Variants in OSMR observed in about 807,000 individuals in gnomAD.
OSMR encodes the protein oncostatin M receptor.
A neutral mutation model predicts 99.9 loss-of-function variants in OSMR; 81 were observed. The observed-to-expected ratio is 0.81, with a 90% CI of 0.68 to 0.97. OSMR has a LOEUF of 0.97. Ranked by LOEUF, OSMR falls within the 50% of genes least tolerant of loss-of-function variation. The pLI, the probability that OSMR is intolerant of heterozygous loss-of-function variation, is 0.00. For synonymous variants in OSMR, 406 were observed against 410.4 expected, an observed-to-expected ratio of 0.99 and a Z score of 0.13; for missense variants, 1,099 against 1,153.4, an observed-to-expected ratio of 0.95 and a Z score of 0.68.
chr5:38,859,526 G>A (rs1030035455), intron 1 of OSMR, among the ~76,000 whole-genome samples: 2 of 152,110 alleles, frequency 1.3e-5, no homozygotes, highest in African/African-American at 2.4e-5. Flanking sequence ...TTGAAGGCAG[G>A]TGTTGTGAGG....
intron 7 of OSMR, among the ~76,000 whole-genome samples, chr5:38,890,602 C>CT (rs58375870): frequency 0.024 from 3,355 of 140,094 alleles, 114 homozygotes; most frequent in African/African-American, 0.063. Context: ...AAAGCCCCCT[C>CT]TTTTTTTTTT....
chr5:38,917,739 T>A (rs908621778), intron 10 of OSMR, 117 bp downstream of exon 10: 51 of 761,230 alleles, frequency 6.7e-5, no homozygotes, highest in Middle Eastern at 2.4e-4. Context: ...GGAGGGATCT[T>A]CACATTCATC....
At chr5:38,904,982 C>T (rs1284395554) in intron 9 of OSMR, among the ~76,000 whole-genome samples, 1 of 152,178 alleles carries the variant, frequency 6.6e-6, no homozygotes, top group Non-Finnish European at 1.5e-5. Context: ...TGCTCTGTGG[C>T]AGGGTTTCCT....
At chr5:38,945,325 C>T (rs956390171), downstream of OSMR, 18 of 621,738 alleles carry the variant, frequency 2.9e-5, no homozygotes, top group South Asian at 1.0e-4. Flanking sequence ...GACCTGGAAC[C>T]GTGAGAGGAT....
At chr5:38,919,217 G>C in intron 11 of OSMR, 155 bp downstream of exon 11, 1 of 1,532,454 alleles carries the variant, frequency 6.5e-7, no homozygotes, top group Non-Finnish European at 8.8e-7. Context: ...GTGTGTCAAC[G>C]TGTTTCAGTG....
intron 9 of OSMR, among the ~76,000 whole-genome samples, chr5:38,911,545 C>G (rs1745586607): frequency 6.6e-6 from 1 of 152,158 alleles, no homozygotes; most frequent in South Asian, 2.1e-4. Flanking sequence ...TGGGGGACTC[C>G]TCCCTAACTC....
chr5:38,907,919 C>T lies in OSMR; in HGVS notation c.1285+3416C>T, dbSNP rs568340689. Reference sequence around the variant, plus strand: ...ACTGCTGCTGTTGGCATAAGCACAACGTGTGGCCCTGCCTCCCCTGGTGCT... The same window carrying T: ...ACTGCTGCTGTTGGCATAAGCACAATGTGTGGCCCTGCCTCCCCTGGTGCT... On this transcript the variant is annotated intron_variant, in intron 9 of 17. Coordinates refer to ENST00000274276, the MANE Select transcript of OSMR (RefSeq NM_003999.3). 2.2e-4 allele frequency among the ~76,000 whole-genome samples: 34 copies of T among 152,310 alleles called. No individual in the cohort carries two copies. In the South Asian group the frequency reaches 3.3e-3, roughly 15 times the overall value.
intron 7 of OSMR, among the ~76,000 whole-genome samples, chr5:38,889,296 C>G (rs35847087): frequency 6.6e-6 from 1 of 152,020 alleles, no homozygotes; most frequent in Non-Finnish European, 1.5e-5. Context: ...CCTGCTAACT[C>G]TAGATTGAAT....
chr5:38,939,300 G>A (rs1747277670), downstream of OSMR: 1 of 232,336 alleles, frequency 4.3e-6, no homozygotes, highest in Non-Finnish European at 8.5e-6. Flanking sequence ...TAAAAGAGCT[G>A]AAACCCATTA....
At chr5:38,887,690 A>G (rs972406821) in intron 7 of OSMR, among the ~76,000 whole-genome samples, 7 of 152,088 alleles carry the variant, frequency 4.6e-5, no homozygotes, top group African/African-American at 1.7e-4. Context: ...TTTATGTAAA[A>G]CTGATAATTA....
At chr5:38,881,553 G>A (rs777565164) in intron 3 of OSMR, 40 bp from the exon 4 acceptor site, 2 of 1,613,812 alleles carry the variant, frequency 1.2e-6, no homozygotes, top group African/African-American at 2.7e-5. Flanking sequence ...TATAGGACAA[G>A]ATGGCTATGT....
At chr5:38,919,587 G>A in intron 11 of OSMR, 1 of 306,778 alleles carries the variant, frequency 3.3e-6, no homozygotes, top group Non-Finnish European at 6.3e-6. Context: ...CAAACAAGGT[G>A]GAATGCCCTT....
chr5:38,926,665 G>C (rs1212392167), intron 15 of OSMR, among the ~76,000 whole-genome samples: 1 of 152,118 alleles, frequency 6.6e-6, no homozygotes, highest in African/African-American at 2.4e-5. Context: ...GGGAATATAG[G>C]AGCTGAAATA....
At chr5:38,882,284 C>T (rs543151846) in intron 4 of OSMR, among the ~76,000 whole-genome samples, 1 of 152,156 alleles carries the variant, frequency 6.6e-6, no homozygotes, top group South Asian at 2.1e-4. Flanking sequence ...AATTTATTTA[C>T]AGAAACAGGG....
At chr5:38,923,321 T>G in intron 13 of OSMR, 67 bp downstream of exon 13, 1 of 1,064,320 alleles carries the variant, frequency 9.4e-7, no homozygotes, top group South Asian at 1.3e-5. Context: ...GATTCCTAGC[T>G]TTGGGTTTAG....
Position 38,932,492 on chromosome 5 carries a change from C to G in OSMR, c.2324C>G (p.Pro775Arg). The change falls in exon 17 of 18, where the codon CCT becomes CGT. Residue 775 changes from proline (P) to arginine (R), a missense_variant. Physicochemically the swap from Pro to Arg is moderately radical, Grantham distance 103. Transcript: ENST00000274276. ...WIKETCYPDI[P>R]DPYKSSILSL... is the part of the protein sequence containing the mutation. ...AAGGAGACCTGTTATCCTGACATCC[C>G]TGACCCTTACAAGAGCAGCATCCTG... 1 of 1,613,838 alleles carries G rather than the reference C, an allele frequency of 6.2e-7. No homozygotes were observed. The highest frequency in any genetic ancestry group is 8.5e-7 in the Non-Finnish European group (1 of 1,179,804).
At chr5:38,882,461 GC>G (rs1417609229) in intron 4 of OSMR, among the ~76,000 whole-genome samples, 4 of 152,164 alleles carry the variant, frequency 2.6e-5, no homozygotes, top group Admixed American at 1.3e-4. Context: ...TGTAGTCCCA[GC>G]TATTCTGGAG....
intron 15 of OSMR, 59 bp downstream of exon 15, chr5:38,925,430 C>T: frequency 2.1e-6 from 3 of 1,441,856 alleles, no homozygotes; most frequent in Non-Finnish European, 2.9e-6. Flanking sequence ...TAACAAATTA[C>T]AGAAGTGTTG....
At chr5:38,857,867 C>T (rs1212415849) in intron 1 of OSMR, among the ~76,000 whole-genome samples, 3 of 151,892 alleles carry the variant, frequency 2.0e-5, no homozygotes, top group Non-Finnish European at 2.9e-5. Flanking sequence ...GGGGTTTTAC[C>T]ATGTTGGCCA....
Sources: allele counts gnomAD v4.1 joint callset (sites outside exome capture counted in the v4.1 genomes callset), GRCh38; gene constraint gnomAD v4.1.1; transcripts MANE v1.5; gene names NCBI Gene and HGNC (gene_info 2026-07-23, HGNC 2026-07-21).